TMEM17: variants seen among roughly 807,000 people sequenced by gnomAD.
The protein encoded by TMEM17 is transmembrane protein 17.
A neutral mutation model predicts 19.1 loss-of-function variants in TMEM17; 15 were observed. That is an observed-to-expected ratio of 0.78 (90% CI 0.52 to 1.21). TMEM17 has a LOEUF of 1.21. Ranked by LOEUF, TMEM17 falls within the 50% of genes most tolerant of loss-of-function variation. TMEM17 has a pLI of 0.00. For synonymous variants in TMEM17, 103 were observed against 86.9 expected (o/e 1.19, Z -1.03); for missense variants, 245 against 242.3 (o/e 1.01, Z -0.07).
At chr2:62,468,588 G>T in the TMEM17 span, among the ~76,000 whole-genome samples, 2 of 152,210 alleles carry the variant, frequency 1.3e-5, no homozygotes, top group Non-Finnish European at 2.9e-5. Context: ...GGTGTTGGGG[G>T]AGAGGGTTGT....
the TMEM17 span, among the ~76,000 whole-genome samples, chr2:62,481,443 G>T: frequency 6.6e-6 from 1 of 151,902 alleles, no homozygotes; most frequent in Admixed American, 6.6e-5. Flanking sequence ...TTGACTAATT[G>T]CTCAGCTAGG....
the TMEM17 span, among the ~76,000 whole-genome samples, chr2:62,479,983 T>C: frequency 6.6e-6 from 1 of 151,922 alleles, no homozygotes; most frequent in African/African-American, 2.4e-5. Flanking sequence ...TTTTGAGGAA[T>C]CTCCATACTA....
In TMEM17 at chr2:62,501,458, C is replaced by G. The variant is rs1176622987; in HGVS notation, c.348G>C (p.Leu116Phe). The G allele has an allele frequency of 9.9e-6, 16 of 1,612,570 alleles. No individual in the cohort carries two copies. Among genetic ancestry groups the G allele is most frequent in the Admixed American group, 1.7e-5 (1 of 59,760 alleles). The change falls in exon 4 of 4, where the codon TTG (leucine) becomes TTC (phenylalanine). Residue 116 changes from leucine to phenylalanine, a missense_variant. By Grantham distance (22) the Leu-to-Phe change is conservative. Transcript: ENST00000335390. ...KVPELAGFWL[L>F]SLLLQLPLIL... is the part of the protein sequence containing the mutation. ...TTAAAGGTAACTGCAATAGAAGGCT[C>G]AAAAGCCAAAAGCCAGCCAACTCAG... is the stretch of plus-strand genomic sequence containing the variant.
At chr2:62,459,587 AC>A in the TMEM17 span, among the ~76,000 whole-genome samples, 1 of 152,334 alleles carries the variant, frequency 6.6e-6, no homozygotes, top group South Asian at 2.1e-4. Flanking sequence ...ATCACTACAA[AC>A]TAACTTATTT....
the TMEM17 span, among the ~76,000 whole-genome samples, chr2:62,471,914 G>A: frequency 6.6e-6 from 1 of 152,242 alleles, no homozygotes; most frequent in African/African-American, 2.4e-5. Flanking sequence ...TCTGGCAGAG[G>A]GACTCTTGGC....
downstream of TMEM17, among the ~76,000 whole-genome samples, chr2:62,498,857 A>C (rs1334851792): frequency 2.0e-5 from 3 of 152,188 alleles, no homozygotes; most frequent in Non-Finnish European, 4.4e-5. Context: ...AGAAGGATAT[A>C]ATATAAATTA....
chr2:62,470,962 C>T, the TMEM17 span, among the ~76,000 whole-genome samples: 21 of 152,250 alleles, frequency 1.4e-4, no homozygotes, highest in Non-Finnish European at 2.8e-4. Flanking sequence ...AGATGTAGGT[C>T]CTCTCCTGGG....
chr2:62,475,136 C>T, the TMEM17 span, among the ~76,000 whole-genome samples: 1 of 152,202 alleles, frequency 6.6e-6, no homozygotes, highest in Admixed American at 6.5e-5. Flanking sequence ...GGAGAAGCAG[C>T]AGGAAGGGGG....
chr2:62,456,898 C>T, the TMEM17 span, among the ~76,000 whole-genome samples: 1 of 152,242 alleles, frequency 6.6e-6, no homozygotes, highest in African/African-American at 2.4e-5. Flanking sequence ...ACCAGGGTGG[C>T]GGCGGGGACA....
rs755413272 is a variant in TMEM17 at position 62,502,730 on chromosome 2, T to C, written c.165A>G (p.Pro55=). 9.9e-6 allele frequency: 16 copies of C among 1,609,842 alleles called. No homozygotes were observed. The highest frequency in any genetic ancestry group is 1.7e-5 in the Admixed American group (1 of 59,022). ...MSLYFNTYYF[P]LWWVSSIMML... is the part of the protein sequence containing the mutation. ...TCATAATGCTGCTCACCCACCACAG[T>C]GGGAAATAGTAGGTATTAAAATAAA... is the stretch of plus-strand genomic sequence containing the variant. Residue 55 remains proline (P), a synonymous_variant, in exon 2 of 4, where the codon CCA becomes CCG. Coordinates refer to ENST00000335390, the MANE Select transcript of TMEM17 (RefSeq NM_198276.3).
the TMEM17 span, among the ~76,000 whole-genome samples, chr2:62,458,072 C>A: frequency 1.3e-5 from 2 of 152,164 alleles, no homozygotes; most frequent in Non-Finnish European, 2.9e-5. Context: ...TTGTTAAATG[C>A]GGAGGCTAAT....
chr2:62,501,712 G>A (rs1358643185), intron 3 of TMEM17: 1 of 489,414 alleles, frequency 2.0e-6, no homozygotes, highest in African/African-American at 1.9e-5. Context: ...ACAATTAAGT[G>A]CAATATTTAG....
downstream of TMEM17, among the ~76,000 whole-genome samples, chr2:62,498,846 TAGA>T (rs770956876): frequency 5.3e-5 from 8 of 152,116 alleles, no homozygotes; most frequent in Non-Finnish European, 1.0e-4. Flanking sequence ...TGTAAATCCT[TAGA>T]AGGATATAAT....
At chr2:62,471,662 G>C in the TMEM17 span, among the ~76,000 whole-genome samples, 5 of 152,242 alleles carry the variant, frequency 3.3e-5, no homozygotes, top group Non-Finnish European at 5.9e-5. Flanking sequence ...GTGCTGGGGA[G>C]GGGGAGGAGC....
At chr2:62,497,742 C>T (rs546055901), downstream of TMEM17, among the ~76,000 whole-genome samples, 1 of 152,194 alleles carries the variant, frequency 6.6e-6, no homozygotes, top group African/African-American at 2.4e-5. Context: ...CTGCCTACCC[C>T]CCTCAGACAA....
the TMEM17 span, among the ~76,000 whole-genome samples, chr2:62,489,750 T>G: frequency 6.6e-6 from 1 of 152,090 alleles, no homozygotes; most frequent in African/African-American, 2.4e-5. Context: ...AGATAAGGAG[T>G]GCACTTGTGC....
chr2:62,501,255 T>C lies in TMEM17; in HGVS notation c.551A>G (p.Asn184Ser), dbSNP rs1281157016. ...HLQDFDRLSA[N>S]RGDMRRMRSC... ...CCTCATCCTTCTCATGTCTCCTCTG[T>C]TTGCAGAGAGCCGGTCAAAGTCTTG... Residue 184 changes from asparagine to serine, a missense_variant, in exon 4 of 4, where the codon AAC becomes AGC. Coordinates refer to ENST00000335390, the MANE Select transcript of TMEM17 (RefSeq NM_198276.3). 6.2e-7 allele frequency: 1 copy of C among 1,614,196 alleles called. No homozygotes were observed. The highest frequency in any genetic ancestry group is 2.2e-5 in the East Asian group (1 of 44,880).
chr2:62,496,916 T>G (rs1402445427), downstream of TMEM17, among the ~76,000 whole-genome samples: 1 of 152,174 alleles, frequency 6.6e-6, no homozygotes, highest in East Asian at 1.9e-4. Context: ...ATTGTGCCAC[T>G]GCACTCCAGC....
chr2:62,458,999 G>A, the TMEM17 span, among the ~76,000 whole-genome samples: 583 of 152,304 alleles, frequency 3.8e-3, 3 homozygotes, highest in African/African-American at 0.014. Context: ...ATTTGTGTAC[G>A]ACTTCATATG....
Sources: gnomAD v4.1 joint callset for allele counts (sites outside exome capture counted in the v4.1 genomes callset) on GRCh38, gnomAD v4.1.1 for gene constraint, MANE v1.5 for transcripts, NCBI Gene and HGNC (gene_info 2026-07-23, HGNC 2026-07-21) for gene names.